CRIP1: variants seen among roughly 807,000 people sequenced by gnomAD.
The protein encoded by CRIP1 is cysteine rich protein 1.
Under a neutral mutation model 12.9 loss-of-function variants are expected in CRIP1, and 11 were observed. The ratio of observed to expected loss-of-function variants is 0.86; its 90% CI spans 0.54 to 1.42. CRIP1 has a LOEUF of 1.42. CRIP1 is among the 40% of genes most tolerant of loss of function. CRIP1 has a pLI of 0.00. For missense variants in CRIP1, 122 were observed against 101.3 expected (o/e 1.20, Z -0.88); for synonymous variants, 41 against 37.2 (o/e 1.10, Z -0.37).
chr14:105,488,630 C>A, intron 5 of CRIP1, 33 bp from the exon 6 acceptor site: 1 of 1,084,118 alleles, frequency 9.2e-7, no homozygotes, highest in Non-Finnish European at 1.4e-6. Flanking sequence ...GTGGACGCTG[C>A]ACTCACGTCT....
intron 2 of CRIP1, 54 bp from the exon 3 acceptor site, chr14:105,488,112 G>A: frequency 6.4e-7 from 1 of 1,559,238 alleles, no homozygotes; most frequent in South Asian, 1.2e-5. Flanking sequence ...CGCCAGTGGT[G>A]GGTAGGCGCC....
rs946298120 is a variant in CRIP1, at chr14:105,487,221, G to T, written c.-39G>T. The T allele has an allele frequency of 1.5e-4, 232 of 1,540,544 alleles. No homozygotes were observed. The highest frequency in any genetic ancestry group is 2.0e-4 in the Non-Finnish European group (226 of 1,143,332). On this transcript the variant is annotated 5_prime_UTR_variant, in exon 2 of 6. Transcript: ENST00000392531. ...CAGTCTCGCGCCTGCAGCCCGTGCC[G>T]CCCCAGCCGCTGCCGCCTGCACCGG...
Position 105,488,468 on chromosome 14 carries a change from C to G in CRIP1, c.194-3C>G, listed in dbSNP as rs1555438565. 1 of 1,519,150 alleles carries G rather than the reference C, an allele frequency of 6.6e-7. No homozygotes were observed. The highest frequency in any genetic ancestry group is 8.9e-7 in the Non-Finnish European group (1 of 1,125,046). The allele number at this position is 1,519,150 out of a possible 1,614,324, so 94.1% of individuals were successfully genotyped here. ...CTGTTGACTTTTTCCACCTTCTCTG[C>G]AGGCTTTGGGCGGGGCGGAGCCGAG... On this transcript the variant is annotated splice_region_variant and splice_polypyrimidine_tract_variant and intron_variant, in intron 4 of 5. Transcript: ENST00000392531.
chr14:105,488,542 TG>T, intron 5 of CRIP1, 26 bp downstream of exon 5: 1 of 1,565,354 alleles, frequency 6.4e-7, no homozygotes, highest in Non-Finnish European at 8.7e-7. Flanking sequence ...CCCCCTATCC[TG>T]CCTCCTGGTT....
rs587667598 is a variant in CRIP1 at position 105,487,205 on chromosome 14, G to A, written c.-55G>A. On this transcript the variant is annotated 5_prime_UTR_variant, in exon 2 of 6. Coordinates refer to ENST00000392531, the MANE Select transcript of CRIP1 (RefSeq NM_001311.5). The stretch of plus-strand genomic sequence containing the variant: ...CCAGGCCGGATCCACCCAGTCTCGC[G>A]CCTGCAGCCCGTGCCGCCCCAGCCG... 29 of 1,536,416 alleles carry A rather than the reference G, an allele frequency of 1.9e-5. No individual in the cohort carries two copies. Among genetic ancestry groups the A allele is most frequent in the Non-Finnish European group, 2.4e-5 (27 of 1,141,586 alleles).
At chr14:105,488,099 G>T in intron 2 of CRIP1, 67 bp from the exon 3 acceptor site, 1 of 1,515,388 alleles carries the variant, frequency 6.6e-7, no homozygotes, top group South Asian at 1.2e-5. Context: ...CAAGAGGCGG[G>T]TACGCCAGTG....
Position 105,488,262 on chromosome 14 carries a change from T to A in CRIP1, c.135+2T>A. On this transcript the variant is annotated splice_donor_variant, in intron 3 of 5. Transcript: ENST00000392531. LOFTEE classifies it high-confidence loss of function. ...CTGACCTCTGGGGGCCACGCTGAGG[T>A]AGGTGGGACCCACCCTGGTGGCAGG... 2 of 1,613,366 alleles carry A rather than the reference T, an allele frequency of 1.2e-6. No individual in the cohort carries two copies. Among genetic ancestry groups the A allele is most frequent in the Non-Finnish European group, 1.7e-6 (2 of 1,179,982 alleles).
Position 105,488,789 on chromosome 14 carries a change from A to C in CRIP1, c.*132A>C. 1 of 530,556 alleles carries C rather than the reference A, an allele frequency of 1.9e-6. No individual in the cohort carries two copies. Among genetic ancestry groups the C allele is most frequent in the Admixed American group, 3.2e-5 (1 of 30,818 alleles). The allele number at this position is 530,556 out of a possible 1,614,324, so 32.9% of individuals were successfully genotyped here. The stretch of plus-strand genomic sequence containing the variant: ...CTCAGTAAACCTGAACACTTGGAAA[A>C]CCTGTGTGTGTACATGCGCGTGTGT... On this transcript the variant is annotated 3_prime_UTR_variant, in exon 6 of 6. Transcript: ENST00000392531.
Position 105,487,952 on chromosome 14 carries a change from A to G in CRIP1, c.41-214A>G, listed in dbSNP as rs2084137986. 1.8e-5 allele frequency: 10 copies of G among 568,218 alleles called. No individual in the cohort carries two copies. In the Admixed American group the frequency reaches 2.8e-4, roughly 16 times the overall value. 35.2% of individuals were successfully genotyped at this position (568,218 alleles called of 1,614,324 possible). ...CCCGAAAGTGCCCCGGGGACCAGCGACCCCGCGCTTTGTTTAGTTGTATTG... is the reference window on the plus strand; with the variant it reads ...CCCGAAAGTGCCCCGGGGACCAGCGGCCCCGCGCTTTGTTTAGTTGTATTG... On this transcript the variant is annotated intron_variant, in intron 2 of 5. Coordinates refer to ENST00000392531, the MANE Select transcript of CRIP1 (RefSeq NM_001311.5).
rs1420167879 is a variant in CRIP1, at chr14:105,487,259, C to A, written c.-1C>A. The A allele has an allele frequency of 6.5e-7, 1 of 1,544,446 alleles. No homozygotes were observed. The highest frequency in any genetic ancestry group is 2.5e-5 in the East Asian group (1 of 40,406). On this transcript the variant is annotated 5_prime_UTR_variant, in exon 2 of 6. Transcript: ENST00000392531. ...CCGCCTGCACCGGACCCGGAGCCGTCATGCCCAAGTGTCCCAAGTGCAACA... is the reference window on the plus strand; with the variant it reads ...CCGCCTGCACCGGACCCGGAGCCGTAATGCCCAAGTGTCCCAAGTGCAACA...
At chr14:105,488,050 T>C (rs1442809432) in intron 2 of CRIP1, 116 bp from the exon 3 acceptor site, 3 of 1,067,792 alleles carry the variant, frequency 2.8e-6, no homozygotes, top group Admixed American at 4.2e-5. Flanking sequence ...GCTGGGCGGA[T>C]GCGGGCTAAG....
At chr14:105,487,965 T>A in intron 2 of CRIP1, 1 of 582,220 alleles carries the variant, frequency 1.7e-6, no homozygotes, top group Non-Finnish European at 3.1e-6. Flanking sequence ...CCGCGCTTTG[T>A]TTAGTTGTAT....
At position 105,488,892 on chromosome 14, in the gene CRIP1, T is replaced by G. The variant is rs2084155812; in HGVS notation, c.*235T>G. On this transcript the variant is annotated 3_prime_UTR_variant, in exon 6 of 6. Coordinates refer to ENST00000392531, the MANE Select transcript of CRIP1 (RefSeq NM_001311.5). ...CCGGCGCCTGCTCTTCTGCTGCCCA[T>G]TGCCCTCCCCAGGGGGCCGTTCCAG... 2 of 268,830 alleles carry G rather than the reference T, an allele frequency of 7.4e-6. No individual in the cohort carries two copies. The highest frequency in any genetic ancestry group is 1.4e-5 in the Non-Finnish European group (2 of 139,566). The allele number at this position is 268,830 out of a possible 1,614,324, so 16.7% of individuals were successfully genotyped here.
Position 105,488,740 on chromosome 14 carries a change from G to C in CRIP1, c.*83G>C. 2 of 592,720 alleles carry C rather than the reference G, an allele frequency of 3.4e-6. No homozygotes were observed. The highest frequency in any genetic ancestry group is 6.0e-6 in the Non-Finnish European group (2 of 332,408). The allele number at this position is 592,720 out of a possible 1,614,324, so 36.7% of individuals were successfully genotyped here. A position where few individuals can be genotyped will look rare whatever the true frequency, so the allele number is the denominator to read the frequency against. ...CCAGGCCTTGTCCCCAGATGCCCAGGGCTCCCTTGTTGCCCCTAATGCTCT... is the reference window on the plus strand; with the variant it reads ...CCAGGCCTTGTCCCCAGATGCCCAGCGCTCCCTTGTTGCCCCTAATGCTCT... On this transcript the variant is annotated 3_prime_UTR_variant, in exon 6 of 6. Coordinates refer to ENST00000392531, the MANE Select transcript of CRIP1 (RefSeq NM_001311.5).
Position 105,488,756 on chromosome 14 carries a change from C to T in CRIP1, c.*99C>T, listed in dbSNP as rs1037013212. 1 of 582,600 alleles carries T rather than the reference C, an allele frequency of 1.7e-6. No individual in the cohort carries two copies. Among genetic ancestry groups the T allele is most frequent in the African/African-American group, 1.9e-5 (1 of 53,648 alleles). 36.1% of individuals were successfully genotyped at this position (582,600 alleles called of 1,614,324 possible). ...GATGCCCAGGGCTCCCTTGTTGCCC[C>T]TAATGCTCTCAGTAAACCTGAACAC... On this transcript the variant is annotated 3_prime_UTR_variant, in exon 6 of 6. Transcript: ENST00000392531.
intron 2 of CRIP1, chr14:105,487,950 C>A: frequency 1.8e-6 from 1 of 567,470 alleles, no homozygotes; most frequent in Non-Finnish European, 3.2e-6. Context: ...CGGGGACCAG[C>A]GACCCCGCGC....
At position 105,488,840 on chromosome 14, in the gene CRIP1, G is replaced by A; in HGVS notation, c.*183G>A. ...GCTGGGGAGTGCCAAGGGAGCTGCA[G>A]TGGGGTCCTGGCAGCAGGCTCTGCC... On this transcript the variant is annotated 3_prime_UTR_variant, in exon 6 of 6. Coordinates refer to ENST00000392531, the MANE Select transcript of CRIP1 (RefSeq NM_001311.5). The A allele has an allele frequency of 2.7e-6, 1 of 376,056 alleles. No individual in the cohort carries two copies. Among genetic ancestry groups the A allele is most frequent in the Non-Finnish European group, 4.9e-6 (1 of 206,134 alleles). The allele number at this position is 376,056 out of a possible 1,614,324, so 23.3% of individuals were successfully genotyped here.
At chr14:105,488,636 C>A in intron 5 of CRIP1, 27 bp from the exon 6 acceptor site, 5 of 1,030,572 alleles carry the variant, frequency 4.9e-6, no homozygotes, top group Non-Finnish European at 5.8e-6. Flanking sequence ...GCTGCACTCA[C>A]GTCTGTGCCT....
chr14:105,487,057 A>T (rs1393553496), intron 1 of CRIP1, 85 bp downstream of exon 1: 7 of 1,359,388 alleles, frequency 5.1e-6, no homozygotes, highest in Non-Finnish European at 6.7e-6. Flanking sequence ...GGACCAGATG[A>T]TCTTTCTTGG....
Sources: allele counts gnomAD v4.1 joint callset, GRCh38; gene constraint gnomAD v4.1.1; transcripts MANE v1.5; gene names NCBI Gene and HGNC (gene_info 2026-07-23, HGNC 2026-07-21).